MARCHF5: variants seen among roughly 807,000 people sequenced by gnomAD.
MARCHF5 encodes E3 ubiquitin-protein ligase MARCHF5.
In MARCHF5, 5 loss-of-function variants were observed where a neutral mutation model predicts 36.5. The observed-to-expected ratio is 0.14, with a 90% CI of 0.07 to 0.29. The LOEUF (loss-of-function observed/expected upper bound fraction) is 0.29. Ranked by LOEUF, MARCHF5 falls within the 10% of genes least tolerant of loss-of-function variation. The pLI is 1.00. For missense variants in MARCHF5, 179 were observed against 336.3 expected (o/e 0.53, Z 3.66); for synonymous variants, 103 against 109.9 (o/e 0.94, Z 0.39).
intron 2 of MARCHF5, among the ~76,000 whole-genome samples, chr10:92,316,464 C>G (rs1843210977): frequency 1.3e-5 from 2 of 152,184 alleles, no homozygotes; most frequent in African/African-American, 4.8e-5. Context: ...AAAGTATGAT[C>G]TGAGGACCAG....
intron 3 of MARCHF5, among the ~76,000 whole-genome samples, chr10:92,344,045 G>C (rs1315089530): frequency 6.6e-6 from 1 of 152,132 alleles, no homozygotes; most frequent in Non-Finnish European, 1.5e-5. Context: ...ATGAGATTGA[G>C]TTATTTTCTT....
intron 2 of MARCHF5, among the ~76,000 whole-genome samples, chr10:92,318,932 C>T (rs982113438): frequency 3.3e-5 from 5 of 152,030 alleles, no homozygotes; most frequent in Non-Finnish European, 5.9e-5. Context: ...GTCTCAAACT[C>T]CTGACCTCAG....
At chr10:92,297,393 C>T (rs752556827) in intron 1 of MARCHF5, among the ~76,000 whole-genome samples, 2 of 151,794 alleles carry the variant, frequency 1.3e-5, no homozygotes, top group Non-Finnish European at 2.9e-5. Context: ...TGGTCTCAAA[C>T]TCCTGGGCTC....
chr10:92,309,936 TA>T (rs1252745071), intron 1 of MARCHF5, among the ~76,000 whole-genome samples: 3 of 152,226 alleles, frequency 2.0e-5, no homozygotes, highest in Non-Finnish European at 4.4e-5. Context: ...AAACAAATGC[TA>T]CCTACGTTCT....
At chr10:92,328,466 A>G (rs1340029989) in intron 2 of MARCHF5, among the ~76,000 whole-genome samples, 1 of 147,412 alleles carries the variant, frequency 6.8e-6, no homozygotes, top group East Asian at 2.0e-4. Context: ...TGTGATACTG[A>G]TATAGCTGGA....
chr10:92,350,918 T>C (rs537389182), intron 5 of MARCHF5, among the ~76,000 whole-genome samples, 173 bp from the exon 6 acceptor site: 1 of 152,306 alleles, frequency 6.6e-6, no homozygotes, highest in East Asian at 1.9e-4. Context: ...GCGTATAGTC[T>C]GTCTCTCTCC....
intron 2 of MARCHF5, among the ~76,000 whole-genome samples, chr10:92,329,241 G>A (rs550895153): frequency 5.9e-5 from 9 of 152,268 alleles, no homozygotes; most frequent in African/African-American, 1.7e-4. Flanking sequence ...ATGTGAGTGT[G>A]CCTATTTCCT....
At chr10:92,347,567 T>A (rs769165012) in intron 3 of MARCHF5, among the ~76,000 whole-genome samples, 3 of 149,526 alleles carry the variant, frequency 2.0e-5, no homozygotes, top group Non-Finnish European at 4.5e-5. Flanking sequence ...ATAAAGAAAT[T>A]TCCTGGGAAA....
At chr10:92,307,476 A>C (rs1033569683) in intron 1 of MARCHF5, among the ~76,000 whole-genome samples, 3 of 152,298 alleles carry the variant, frequency 2.0e-5, no homozygotes, top group Admixed American at 2.0e-4. Context: ...GCTCACGCCC[A>C]AAACTTTGGG....
intron 1 of MARCHF5, among the ~76,000 whole-genome samples, chr10:92,297,496 T>C (rs1025586224): frequency 2.0e-5 from 3 of 148,444 alleles, no homozygotes; most frequent in Non-Finnish European, 3.0e-5. Context: ...TTTTTTTTTT[T>C]TTTTTTTTTT....
At chr10:92,295,875 G>A (rs1842944462) in intron 1 of MARCHF5, among the ~76,000 whole-genome samples, 1 of 150,876 alleles carries the variant, frequency 6.6e-6, no homozygotes. Context: ...ATATATATAT[G>A]GAATTTTTTT....
intron 2 of MARCHF5, among the ~76,000 whole-genome samples, chr10:92,314,761 A>G (rs1301067985): frequency 1.1e-5 from 1 of 91,858 alleles, no homozygotes; most frequent in South Asian, 3.4e-4. Context: ...CCCCCCCGCC[A>G]ATAGAGGTTG....
At chr10:92,299,154 C>A (rs945318185) in intron 1 of MARCHF5, among the ~76,000 whole-genome samples, 6 of 152,062 alleles carry the variant, frequency 3.9e-5, no homozygotes, top group African/African-American at 1.4e-4. Context: ...TCTTTCCTTC[C>A]AGATCCACTT....
chr10:92,340,635 C>A (rs199702967), intron 2 of MARCHF5, 38 bp from the exon 3 acceptor site: 1 of 1,544,192 alleles, frequency 6.5e-7, no homozygotes, highest in Non-Finnish European at 8.7e-7. Context: ...AAAAGTTCAC[C>A]CTGTGTTGAA....
intron 1 of MARCHF5, among the ~76,000 whole-genome samples, chr10:92,300,246 G>A (rs1009725310): frequency 2.0e-5 from 3 of 151,846 alleles, no homozygotes; most frequent in East Asian, 1.9e-4. Flanking sequence ...TTGGGAGGCC[G>A]AGAGGAGCAG....
At chr10:92,331,574 G>A (rs1441782224) in intron 2 of MARCHF5, among the ~76,000 whole-genome samples, 1 of 151,908 alleles carries the variant, frequency 6.6e-6, no homozygotes, top group African/African-American at 2.4e-5. Context: ...CTCCTAGGGG[G>A]CAGCAGCTAG....
intron 2 of MARCHF5, among the ~76,000 whole-genome samples, chr10:92,332,852 C>T: frequency 6.8e-6 from 1 of 147,940 alleles, no homozygotes; most frequent in South Asian, 2.4e-4. Context: ...TGTTGTATTA[C>T]TTGATATCTT....
At chr10:92,295,919 C>T (rs938070871) in intron 1 of MARCHF5, among the ~76,000 whole-genome samples, 13 of 150,376 alleles carry the variant, frequency 8.6e-5, no homozygotes, top group African/African-American at 3.2e-4. Flanking sequence ...GTTGCCCAGG[C>T]TGCTGGAGGG....
At position 92,334,580 on chromosome 10, in the gene MARCHF5, A is replaced by AT. The variant is rs572050997; in HGVS notation, c.239-6091dup. The stretch of plus-strand genomic sequence containing the variant: ...CTAGCCTCTAGGAGTTCTGGGTGTT[A>AT]TTATAAGCAATGCCAGCAAATGCTG... On this transcript the variant is annotated intron_variant, in intron 2 of 5. Transcript: ENST00000358935. The AT allele has an allele frequency of 1.0e-3, 154 of 152,368 alleles. 1 individual carries two copies. Among genetic ancestry groups the AT allele is most frequent in the African/African-American group, 3.6e-3 (151 of 41,578 alleles). 9.4% of individuals were successfully genotyped at this position (152,368 alleles called of 1,614,324 possible). A position where few individuals can be genotyped will look rare whatever the true frequency, so the allele number is the denominator to read the frequency against.
Sources: allele counts gnomAD v4.1 joint callset (sites outside exome capture counted in the v4.1 genomes callset), GRCh38; gene constraint gnomAD v4.1.1; transcripts MANE v1.5; gene names NCBI Gene and HGNC (gene_info 2026-07-23, HGNC 2026-07-21).